XKR6: variants seen among roughly 807,000 people sequenced by gnomAD.
XKR6 encodes the protein XK related 6.
Under a neutral mutation model 56.7 loss-of-function variants are expected in XKR6, and 22 were observed. That is an observed-to-expected ratio of 0.39 (90% CI 0.28 to 0.55). The LOEUF (loss-of-function observed/expected upper bound fraction) is 0.55, where lower values mean the gene tolerates loss of function less well. XKR6 is among the 20% of genes least tolerant of loss of function. XKR6 has a pLI of 0.66. For missense variants in XKR6, 852 were observed against 889.0 expected, an observed-to-expected ratio of 0.96 and a Z score of 0.53; for synonymous variants, 524 against 387.8, an observed-to-expected ratio of 1.35 and a Z score of -4.13.
intron 1 of XKR6, among the ~76,000 whole-genome samples, chr8:11,065,242 A>T (rs1264231207): frequency 6.6e-6 from 1 of 152,142 alleles, no homozygotes; most frequent in Non-Finnish European, 1.5e-5. Context: ...ATAGAGCTGA[A>T]TTTTTTCTAA....
intron 1 of XKR6, among the ~76,000 whole-genome samples, chr8:10,966,656 A>G (rs1427584409): frequency 6.6e-6 from 1 of 152,228 alleles, no homozygotes; most frequent in Non-Finnish European, 1.5e-5. Context: ...CCTGGACCAC[A>G]GAGTGAGACT....
intron 1 of XKR6, among the ~76,000 whole-genome samples, chr8:11,100,521 G>C (rs979508892): frequency 6.6e-6 from 1 of 152,178 alleles, no homozygotes; most frequent in African/African-American, 2.4e-5. Flanking sequence ...AAGTGGCTGG[G>C]AGGATGGCAC....
At chr8:11,022,118 C>T (rs1370127274) in intron 1 of XKR6, among the ~76,000 whole-genome samples, 4 of 149,196 alleles carry the variant, frequency 2.7e-5, no homozygotes, top group African/African-American at 7.5e-5. Flanking sequence ...GGAGAGCTTT[C>T]AGTCCACAGA....
chr8:11,119,038 C>G (rs1799316110), intron 1 of XKR6, among the ~76,000 whole-genome samples: 1 of 151,938 alleles, frequency 6.6e-6, no homozygotes, highest in Non-Finnish European at 1.5e-5. Flanking sequence ...CAAAGAACAT[C>G]TTTATTTCTG....
chr8:10,952,249 G>T (rs1394093507), intron 1 of XKR6, among the ~76,000 whole-genome samples: 1 of 152,048 alleles, frequency 6.6e-6, no homozygotes, highest in Non-Finnish European at 1.5e-5. Context: ...GAAGTGATTG[G>T]GTAATGGGGT....
At chr8:10,989,950 C>T (rs1259816280) in intron 1 of XKR6, among the ~76,000 whole-genome samples, 1 of 152,182 alleles carries the variant, frequency 6.6e-6, no homozygotes, top group Non-Finnish European at 1.5e-5. Context: ...GTGTGTCATG[C>T]TTCATTCTGT....
chr8:11,158,697 A>G (rs1801644805), intron 1 of XKR6, among the ~76,000 whole-genome samples: 1 of 152,258 alleles, frequency 6.6e-6, no homozygotes, highest in Admixed American at 6.5e-5. Context: ...ACAATCGTAT[A>G]TCCCTCCAGC....
intron 2 of XKR6, among the ~76,000 whole-genome samples, chr8:10,900,567 C>G (rs1183338125): frequency 6.6e-6 from 1 of 152,218 alleles, no homozygotes; most frequent in East Asian, 1.9e-4. Flanking sequence ...TTGAAACAAA[C>G]AGGGGCAACA....
chr8:11,179,445 G>A (rs73665019), intron 1 of XKR6, among the ~76,000 whole-genome samples: 3,634 of 152,288 alleles, frequency 0.024, 164 homozygotes, highest in African/African-American at 0.081. Context: ...AGTCCCTCCA[G>A]GTTGGCTGAG....
At chr8:10,987,994 CA>C (rs564114092) in intron 1 of XKR6, among the ~76,000 whole-genome samples, 8 of 152,204 alleles carry the variant, frequency 5.3e-5, no homozygotes, top group Non-Finnish European at 1.0e-4. Context: ...CTACTTTGGA[CA>C]GGCCCAGGGC....
rs1016557917 is a variant in XKR6 at position 11,032,754 on chromosome 8, C to A, written c.765-107924G>T. Among the ~76,000 whole-genome samples the A allele has an allele frequency of 3.9e-5, 6 of 152,150 alleles. 1 individual carries two copies. The highest frequency in any genetic ancestry group is 1.4e-4 in the African/African-American group (6 of 41,436). On this transcript the variant is annotated intron_variant, in intron 1 of 2. Transcript: ENST00000416569. ...TGCTCCAGGGCATGGTCAAACACCC[C>A]TCCAAGCCCTGCCTCCTGCCCTCTC...
intron 1 of XKR6, among the ~76,000 whole-genome samples, chr8:11,155,316 T>C (rs539923054): frequency 1.3e-5 from 2 of 152,244 alleles, no homozygotes; most frequent in Admixed American, 1.3e-4. Context: ...TATTCCATAC[T>C]GGTAGTCTGA....
At chr8:11,153,438 A>C (rs891451749) in intron 1 of XKR6, among the ~76,000 whole-genome samples, 2 of 152,254 alleles carry the variant, frequency 1.3e-5, no homozygotes, top group Non-Finnish European at 2.9e-5. Flanking sequence ...TTTTGGAAAT[A>C]ATTAAAAATA....
chr8:11,060,548 TGGTCTGTTTG>T lies in XKR6; in HGVS notation c.765-135728_765-135719del, dbSNP rs1799806488. On this transcript the variant is annotated intron_variant, in intron 1 of 2. Transcript: ENST00000416569. ...CAGGGACTCGTTTCTACATGATTAT[TGGTCTGTTTG>T]GGTTTTTCTCCTGCATACAAGGGAC... Among the ~76,000 whole-genome samples the T allele has an allele frequency of 3.3e-5, 5 of 152,286 alleles. No homozygotes were observed. In the South Asian group the frequency reaches 1.0e-3, roughly 32 times the overall value.
intron 2 of XKR6, among the ~76,000 whole-genome samples, chr8:10,915,498 C>G (rs142047190): frequency 2.7e-3 from 323 of 121,128 alleles, no homozygotes; most frequent in Admixed American, 4.3e-3. Context: ...GTTTGCCTTT[C>G]TCCTGTTTCT....
chr8:11,128,248 G>A (rs1170455620), intron 1 of XKR6, among the ~76,000 whole-genome samples: 1 of 152,118 alleles, frequency 6.6e-6, no homozygotes, highest in Non-Finnish European at 1.5e-5. Context: ...CCCTTTGCTG[G>A]ATTCTTCTCC....
intron 1 of XKR6, among the ~76,000 whole-genome samples, chr8:11,024,529 A>G (rs1798819345): frequency 6.6e-6 from 1 of 152,212 alleles, no homozygotes; most frequent in Non-Finnish European, 1.5e-5. Context: ...TCTTATTAAT[A>G]AACTCAAATA....
At position 11,086,157 on chromosome 8, in the gene XKR6, T is replaced by TAA. The variant is rs1286798716; in HGVS notation, c.764+114417_764+114418dup. ...AAATATATATATATATATTTTTTTTTAAAAAAAACAAGCATAATTCATAAT... is the reference window on the plus strand; with the variant it reads ...AAATATATATATATATATTTTTTTTTAAAAAAAAAACAAGCATAATTCATAAT... On this transcript the variant is annotated intron_variant, in intron 1 of 2. Coordinates refer to ENST00000416569, the MANE Select transcript of XKR6 (RefSeq NM_173683.4). Among the ~76,000 whole-genome samples the TAA allele has an allele frequency of 9.5e-4, 140 of 148,018 alleles. 1 individual carries two copies. The highest frequency in any genetic ancestry group is 7.0e-3 in the Middle Eastern group (2 of 284).
At chr8:10,988,302 G>A (rs1194754938) in intron 1 of XKR6, among the ~76,000 whole-genome samples, 1 of 152,234 alleles carries the variant, frequency 6.6e-6, no homozygotes, top group African/African-American at 2.4e-5. Flanking sequence ...GTGGCACAAA[G>A]TAGGTGTTCC....
Sources: allele counts gnomAD v4.1 joint callset (sites outside exome capture counted in the v4.1 genomes callset), GRCh38; gene constraint gnomAD v4.1.1; transcripts MANE v1.5; gene names NCBI Gene and HGNC (gene_info 2026-07-23, HGNC 2026-07-21).